PRKAG1: variants seen among roughly 807,000 people sequenced by gnomAD.
PRKAG1 encodes protein kinase AMP-activated non-catalytic subunit gamma 1, also known as 5'-AMP-activated protein kinase subunit gamma-1.
Under a neutral mutation model 48.2 loss-of-function variants are expected in PRKAG1, and 27 were observed. The ratio of observed to expected loss-of-function variants is 0.56; its 90% CI spans 0.41 to 0.77. The LOEUF (loss-of-function observed/expected upper bound fraction) is 0.77, where lower values mean the gene tolerates loss of function less well. Among genes scored for constraint, PRKAG1 ranks in the 30% least tolerant of loss-of-function variants. The pLI, the probability that PRKAG1 is intolerant of heterozygous loss-of-function variation, is 0.00. For missense variants in PRKAG1, 287 were observed against 398.3 expected (o/e 0.72, Z 2.38); for synonymous variants, 130 against 147.7 (o/e 0.88, Z 0.87).
intron 2 of PRKAG1, among the ~76,000 whole-genome samples, chr12:49,007,147 C>T (rs1941572350): frequency 1.3e-5 from 2 of 151,704 alleles, no homozygotes; most frequent in Admixed American, 1.3e-4. Flanking sequence ...ATTAGCCAGG[C>T]GTGGTGGCAC....
At chr12:49,007,270 G>C (rs1368998408) in intron 2 of PRKAG1, among the ~76,000 whole-genome samples, 7 of 146,138 alleles carry the variant, frequency 4.8e-5, no homozygotes, top group Non-Finnish European at 1.0e-4. Flanking sequence ...CTGGGCGACA[G>C]AGTGAGACTC....
intron 1 of PRKAG1, 23 bp downstream of exon 1, chr12:49,018,709 G>C: frequency 1.2e-6 from 2 of 1,613,390 alleles, no homozygotes; most frequent in South Asian, 1.1e-5. Context: ...CAGCGCCCCC[G>C]ACCGCCCTCC....
Position 49,005,270 on chromosome 12 carries a change from G to T in PRKAG1, c.309+36C>A. On this transcript the variant is annotated intron_variant, in intron 5 of 11. Coordinates refer to ENST00000548065, the MANE Select transcript of PRKAG1 (RefSeq NM_002733.5). This position sits in a 1 kb window ranked among gnomAD's most constrained non-coding sequence, Gnocchi z 4.1. The stretch of plus-strand genomic sequence containing the variant: ...ATGAGAATGAGGGATTTAGGGCAGG[G>T]AAAGTGATTTTGGTCATTGGGTTAA... 1 of 1,613,386 alleles carries T rather than the reference G, an allele frequency of 6.2e-7. No homozygotes were observed. Among genetic ancestry groups the T allele is most frequent in the South Asian group, 1.1e-5 (1 of 90,974 alleles).
At chr12:49,007,726 T>C (rs907384117) in intron 2 of PRKAG1, among the ~76,000 whole-genome samples, 16 of 152,074 alleles carry the variant, frequency 1.1e-4, no homozygotes, top group African/African-American at 3.9e-4. Context: ...GCATTATTTA[T>C]CATCTATCTA....
rs752290935 is a variant in PRKAG1 at position 49,004,981 on chromosome 12, G to A, written c.393C>T (p.Cys131=). The A allele has an allele frequency of 3.1e-6, 5 of 1,614,102 alleles. No homozygotes were observed. In the South Asian group the frequency reaches 5.5e-5, roughly 18 times the overall value. The change falls in exon 7 of 12, where the codon TGC becomes TGT. Residue 131 remains cysteine, a synonymous_variant. Coordinates refer to ENST00000548065, the MANE Select transcript of PRKAG1 (RefSeq NM_002733.5). ...YLQDSFKPLV[C]ISPNASLFDA... is the part of the protein sequence containing the mutation. ...GAACTCACCTGGCATTAGGAGAAAT[G>A]CAGACAAGCGGTTTAAAGGAGTCCT...
At chr12:49,015,392 C>G (rs1290075861) in intron 1 of PRKAG1, among the ~76,000 whole-genome samples, 1 of 152,182 alleles carries the variant, frequency 6.6e-6, no homozygotes. Flanking sequence ...ATCTCCCATA[C>G]CACCAAGCAC....
intron 1 of PRKAG1, chr12:49,017,467 C>T (rs149339602): frequency 7.9e-5 from 24 of 304,388 alleles, no homozygotes; most frequent in Non-Finnish European, 1.4e-4. Flanking sequence ...TTGCCTTGGC[C>T]TCCCAAAGTA....
At chr12:49,003,683 G>A (rs572997551) in intron 9 of PRKAG1, 74 bp downstream of exon 9, 9 of 1,608,368 alleles carry the variant, frequency 5.6e-6, no homozygotes, top group East Asian at 2.2e-5. Context: ...TAAGCTGAGG[G>A]GAAAGCAGAT....
intron 2 of PRKAG1, among the ~76,000 whole-genome samples, chr12:49,010,848 CT>C (rs34751625): frequency 0.019 from 2,663 of 142,684 alleles, 210 homozygotes; most frequent in Admixed American, 0.16. Context: ...AATGTACCAC[CT>C]TTTTTTTTTT....
intron 8 of PRKAG1, chr12:49,004,144 T>G: frequency 1.8e-6 from 1 of 564,906 alleles, no homozygotes; most frequent in African/African-American, 1.9e-5. Context: ...ACCAAAAAAT[T>G]AGCCAGGTGT....
chr12:49,015,880 C>T (rs1348533262), intron 1 of PRKAG1, among the ~76,000 whole-genome samples: 1 of 151,636 alleles, frequency 6.6e-6, no homozygotes, highest in Non-Finnish European at 1.5e-5. Flanking sequence ...CTGGCCGTGA[C>T]TTTTAACTTT....
intron 1 of PRKAG1, chr12:49,018,477 GA>G (rs1287039937): frequency 1.4e-5 from 19 of 1,361,338 alleles, no homozygotes; most frequent in Non-Finnish European, 1.8e-5. Flanking sequence ...GGGCCCCAAG[GA>G]GGGAGCCAGG....
At chr12:49,011,038 TC>T (rs1592280848) in intron 2 of PRKAG1, among the ~76,000 whole-genome samples, 5 of 152,236 alleles carry the variant, frequency 3.3e-5, no homozygotes, top group Middle Eastern at 3.4e-3. Context: ...AGACGGGGTT[TC>T]ACCATGTTGG....
chr12:49,017,265 A>T, intron 1 of PRKAG1: 1 of 453,140 alleles, frequency 2.2e-6, no homozygotes, highest in Non-Finnish European at 4.4e-6. Context: ...CAGTGGCATG[A>T]TCTCAGCTCA....
chr12:49,009,922 T>G (rs1021443210), intron 2 of PRKAG1, among the ~76,000 whole-genome samples: 2 of 152,266 alleles, frequency 1.3e-5, no homozygotes, highest in Non-Finnish European at 2.9e-5. Flanking sequence ...TGTTGTTTTC[T>G]TTAAAGATAT....
intron 7 of PRKAG1, 149 bp downstream of exon 7, chr12:49,004,815 G>GAC (rs1941460402): frequency 2.9e-4 from 33 of 114,160 alleles, no homozygotes; most frequent in East Asian, 9.5e-4. Flanking sequence ...GAGAGAGACT[G>GAC]TGTGTGTGTG....
rs973353874 is a variant in PRKAG1 at position 49,002,839 on chromosome 12, G to C, written c.*60C>G. 1 of 1,468,962 alleles carries C rather than the reference G, an allele frequency of 6.8e-7. No homozygotes were observed. The highest frequency in any genetic ancestry group is 9.5e-7 in the Non-Finnish European group (1 of 1,056,724). 91.0% of individuals were successfully genotyped at this position (1,468,962 alleles called of 1,614,324 possible). A position where few individuals can be genotyped will look rare whatever the true frequency, so the allele number is the denominator to read the frequency against. On this transcript the variant is annotated 3_prime_UTR_variant, in exon 12 of 12. Coordinates refer to ENST00000548065, the MANE Select transcript of PRKAG1 (RefSeq NM_002733.5). Reference sequence around the variant, plus strand: ...TCAAGTTTCATCTGATTCCCACAGAGCTTCCAGCAGGCAGTGAGTTGGGCA... The same window carrying C: ...TCAAGTTTCATCTGATTCCCACAGACCTTCCAGCAGGCAGTGAGTTGGGCA...
rs1310809510 is a variant in PRKAG1, at chr12:49,018,719, C to G, written c.9+13G>C. The G allele has an allele frequency of 6.2e-6, 10 of 1,613,468 alleles. 1 individual carries two copies. The East Asian group carries it at 2.0e-4, about 32-fold the overall frequency. On this transcript the variant is annotated intron_variant, in intron 1 of 11. Coordinates refer to ENST00000548065, the MANE Select transcript of PRKAG1 (RefSeq NM_002733.5). ...CTCCACAGCGCCCCCGACCGCCCTC[C>G]TGCACTCCTCACCGTCTCCATTGCA...
In PRKAG1 at chr12:49,005,740, C is replaced by T; in HGVS notation, c.168+3G>A. ...GGGGAAGGGAAAAGAGGATTTCACC[C>T]ACCTGCAGGGACGTATCAAATACAA... On this transcript the variant is annotated splice_donor_region_variant and intron_variant, in intron 3 of 11. Transcript: ENST00000548065. The surrounding 1 kb of genome is among the most constrained non-coding windows in gnomAD (Gnocchi z 4.1). 1 of 1,612,970 alleles carries T rather than the reference C, an allele frequency of 6.2e-7. No individual in the cohort carries two copies. Among genetic ancestry groups the T allele is most frequent in the Non-Finnish European group, 8.5e-7 (1 of 1,179,000 alleles).
Sources: allele counts gnomAD v4.1 joint callset (sites outside exome capture counted in the v4.1 genomes callset), GRCh38; gene constraint gnomAD v4.1.1; non-coding constraint Gnocchi (gnomAD v3.1); transcripts MANE v1.5; gene names NCBI Gene and HGNC (gene_info 2026-07-23, HGNC 2026-07-21).